The following IRAG2 variants were observed in gnomAD, a reference collection of about 807,000 sequenced individuals.
IRAG2 encodes the protein lymphoid restricted membrane protein.
In IRAG2, 45 loss-of-function variants were observed where a neutral mutation model predicts 69.9. The ratio of observed to expected loss-of-function variants is 0.64; its 90% CI spans 0.51 to 0.83. The LOEUF is 0.83. IRAG2 is among the 40% of genes least tolerant of loss of function. IRAG2 has a pLI of 0.00. For synonymous variants in IRAG2, 193 were observed against 202.4 expected, an observed-to-expected ratio of 0.95 and a Z score of 0.40; for missense variants, 520 against 587.0, an observed-to-expected ratio of 0.89 and a Z score of 1.18.
At chr12:25,006,169 G>T (rs374356647) in intron 2 of IRAG2, 89 of 152,072 alleles carry the variant, frequency 5.9e-4, no homozygotes, top group African/African-American at 2.0e-3. Flanking sequence ...AATCAAAACT[G>T]CAATGAGATA....
chr12:25,099,776 CAGAT>C (rs1223943734), intron 15 of IRAG2, among the ~76,000 whole-genome samples: 1 of 151,856 alleles, frequency 6.6e-6, no homozygotes, highest in Non-Finnish European at 1.5e-5. Context: ...CCAAGATGGG[CAGAT>C]CATGAGGTCA....
At chr12:25,101,879 T>G (rs1948768927) in intron 16 of IRAG2, 1 of 557,692 alleles carries the variant, frequency 1.8e-6, no homozygotes, top group Non-Finnish European at 3.4e-6. Flanking sequence ...TTCCCTGTTC[T>G]AGAACAGTAA....
intron 9 of IRAG2, among the ~76,000 whole-genome samples, chr12:25,082,322 A>G (rs1947269259): frequency 6.6e-6 from 1 of 152,152 alleles, no homozygotes; most frequent in African/African-American, 2.4e-5. Context: ...AGTAAGGGCT[A>G]GGCACGGTGC....
At chr12:25,077,330 T>TATATATGTG (rs1565563391) in intron 6 of IRAG2, among the ~76,000 whole-genome samples, 1 of 12,252 alleles carries the variant, frequency 8.2e-5, no homozygotes, top group African/African-American at 1.5e-4. Flanking sequence ...ATATATATGA[T>TATATATGTG]ATATATATGA....
At chr12:25,029,940 G>T (rs1279626774) in intron 9 of IRAG2, among the ~76,000 whole-genome samples, 2 of 152,178 alleles carry the variant, frequency 1.3e-5, no homozygotes, top group Non-Finnish European at 2.9e-5. Context: ...CACCAAAAAA[G>T]TGAAGATTCT....
chr12:25,101,903 T>C (rs1193685026), intron 16 of IRAG2: 1 of 599,476 alleles, frequency 1.7e-6, no homozygotes, highest in Admixed American at 2.1e-5. Context: ...TATTTGATAC[T>C]CTTCTGAACT....
At chr12:25,061,948 T>C (rs990087759) in intron 2 of IRAG2, among the ~76,000 whole-genome samples, 2 of 152,236 alleles carry the variant, frequency 1.3e-5, no homozygotes, top group African/African-American at 4.8e-5. Flanking sequence ...TTTTTCAGTC[T>C]TGGGGACCTC....
At chr12:25,101,049 TA>T (rs141390183) in intron 15 of IRAG2, 128 bp from the exon 16 acceptor site, 246 of 605,626 alleles carry the variant, frequency 4.1e-4, no homozygotes, top group South Asian at 9.9e-4. Flanking sequence ...CATGTCTTTT[TA>T]AAAAAAAAAC....
chr12:25,051,765 T>G (rs1944878102), upstream of IRAG2, among the ~76,000 whole-genome samples: 1 of 152,220 alleles, frequency 6.6e-6, no homozygotes, highest in East Asian at 1.9e-4. Context: ...TGACAACCCT[T>G]AAGGAGAAAG....
At chr12:25,088,030 G>C (rs866510) in intron 10 of IRAG2, 70 bp from the exon 11 acceptor site, 238,539 of 1,146,132 alleles carry the variant, frequency 0.21, 26,335 homozygotes, top group Admixed American at 0.31. Flanking sequence ...GGAGAGGACA[G>C]GAAGTAGGAA....
At chr12:25,097,104 A>T in intron 15 of IRAG2, 60 bp downstream of exon 15, 1 of 1,507,370 alleles carries the variant, frequency 6.6e-7, no homozygotes, top group Admixed American at 2.3e-5. Context: ...ACTTTTCCTG[A>T]GACTATGGAT....
chr12:25,077,374 T>TATATAATATATATATGAA, intron 6 of IRAG2, among the ~76,000 whole-genome samples: 1 of 61,650 alleles, frequency 1.6e-5, no homozygotes, highest in South Asian at 5.4e-4. Flanking sequence ...ATATATGAAA[T>TATATAATATATATATGAA]ATATATATGA....
intron 6 of IRAG2, among the ~76,000 whole-genome samples, chr12:25,074,712 G>A (rs999727832): frequency 6.6e-6 from 1 of 152,180 alleles, no homozygotes; most frequent in Non-Finnish European, 1.5e-5. Flanking sequence ...CTTGAAACAA[G>A]CCAATGATTT....
chr12:25,007,003 A>T (rs1944438526), intron 2 of IRAG2, among the ~76,000 whole-genome samples: 2 of 152,216 alleles, frequency 1.3e-5, no homozygotes, highest in African/African-American at 4.8e-5. Flanking sequence ...AACCATTGTT[A>T]GTGACTTGTT....
At chr12:25,094,059 C>G (rs1269297040) in intron 14 of IRAG2, among the ~76,000 whole-genome samples, 1 of 150,256 alleles carries the variant, frequency 6.7e-6, no homozygotes, top group Non-Finnish European at 1.5e-5. Context: ...TTGACTGGGT[C>G]CTTTGATGTA....
intron 20 of IRAG2, among the ~76,000 whole-genome samples, chr12:25,105,732 A>G (rs1283934800): frequency 1.3e-5 from 2 of 152,168 alleles, no homozygotes; most frequent in African/African-American, 4.8e-5. Context: ...AAGTCTTTGT[A>G]AACAAGACTG....
chr12:25,014,664 T>C, intron 3 of IRAG2, among the ~76,000 whole-genome samples: 1 of 151,994 alleles, frequency 6.6e-6, no homozygotes, highest in Non-Finnish European at 1.5e-5. Flanking sequence ...CAAAGTAAAA[T>C]TAGTCGAGGT....
At chr12:25,021,094 T>TC in intron 7 of IRAG2, 1 of 376,920 alleles carries the variant, frequency 2.7e-6, no homozygotes, top group Non-Finnish European at 4.7e-6. Flanking sequence ...TTCTTTTCTT[T>TC]TTTTTTTTTT....
intron 14 of IRAG2, chr12:25,093,072 A>G (rs1467223488): frequency 1.3e-5 from 2 of 152,960 alleles, no homozygotes; most frequent in African/African-American, 4.8e-5. Context: ...TAGTACAATA[A>G]AATTTATTGA....
Sources: gnomAD v4.1 joint callset for allele counts (sites outside exome capture counted in the v4.1 genomes callset) on GRCh38, gnomAD v4.1.1 for gene constraint, MANE v1.5 for transcripts, NCBI Gene and HGNC (gene_info 2026-07-23, HGNC 2026-07-21) for gene names.